The following SNX25 variants were observed in gnomAD, a reference collection of about 807,000 sequenced individuals.
SNX25 encodes sorting nexin 25.
SNX25 carries 62 observed loss-of-function variants against 113.7 expected under a neutral mutation model. The observed-to-expected ratio is 0.55, with a 90% CI of 0.44 to 0.67. The LOEUF (loss-of-function observed/expected upper bound fraction) is 0.67. Among genes scored for constraint, SNX25 ranks in the 30% least tolerant of loss-of-function variants. The pLI is 0.00. For missense variants in SNX25, 1,014 were observed against 1,161.0 expected (o/e 0.87, Z 1.84); for synonymous variants, 421 against 436.2 (o/e 0.97, Z 0.43).
chr4:185,241,798 A>G (rs907292084), intron 1 of SNX25, among the ~76,000 whole-genome samples: 1 of 152,134 alleles, frequency 6.6e-6, no homozygotes, highest in Non-Finnish European at 1.5e-5. Context: ...TAAAACAGGC[A>G]TTTTAGGAAG....
chr4:185,378,208 C>T, the SNX25 span: 1 of 1,606,514 alleles, frequency 6.2e-7, no homozygotes, highest in Middle Eastern at 1.7e-4. Context: ...AATGTGTATT[C>T]TATAAGCAAG....
intron 5 of SNX25, among the ~76,000 whole-genome samples, chr4:185,281,613 C>T (rs1750571714): frequency 6.6e-6 from 1 of 152,196 alleles, no homozygotes; most frequent in African/African-American, 2.4e-5. Flanking sequence ...GAAAAAACTT[C>T]AGCTTAGCTG....
At chr4:185,357,237 C>T (rs2095343218) in intron 15 of SNX25, among the ~76,000 whole-genome samples, 1 of 152,174 alleles carries the variant, frequency 6.6e-6, no homozygotes, top group Non-Finnish European at 1.5e-5. Flanking sequence ...ACAGTTAGAC[C>T]CATCCGTTCA....
At chr4:185,358,094 T>G (rs3816287) in intron 16 of SNX25, among the ~76,000 whole-genome samples, 6,128 of 152,302 alleles carry the variant, frequency 0.04, 289 homozygotes, top group East Asian at 0.18. Flanking sequence ...GTTCAGACTC[T>G]AAGCCAGAAG....
chr4:185,309,763 T>G (rs999659739), intron 6 of SNX25, among the ~76,000 whole-genome samples: 1 of 152,198 alleles, frequency 6.6e-6, no homozygotes, highest in Admixed American at 6.5e-5. Context: ...CTAGCAGCCT[T>G]CCTTCTTCCA....
chr4:185,361,758 A>AAT (rs2095365346), intron 16 of SNX25, among the ~76,000 whole-genome samples, 166 bp from the exon 17 acceptor site: 1 of 152,160 alleles, frequency 6.6e-6, no homozygotes, highest in Non-Finnish European at 1.5e-5. Flanking sequence ...AATAATTAAA[A>AAT]ATATATATAA....
intron 2 of SNX25, among the ~76,000 whole-genome samples, chr4:185,254,539 C>T (rs1746123157): frequency 6.6e-6 from 1 of 152,190 alleles, no homozygotes; most frequent in Admixed American, 6.5e-5. Flanking sequence ...CTTTCTTATA[C>T]TGTTTACTTA....
exon 12 of SNX25, chr4:185,369,973 A>C: frequency 4.0e-6 from 1 of 248,418 alleles, no homozygotes; most frequent in Non-Finnish European, 8.1e-6. Context: ...CAAGTCTGCT[A>C]TGATGTAATT....
At chr4:185,275,955 A>T (rs1192634358) in intron 5 of SNX25, among the ~76,000 whole-genome samples, 1 of 152,248 alleles carries the variant, frequency 6.6e-6, no homozygotes, top group Admixed American at 6.5e-5. Context: ...ACTCTAAAAG[A>T]TCTTTCAGTT....
intron 1 of SNX25, among the ~76,000 whole-genome samples, chr4:185,245,243 T>C (rs1744675712): frequency 1.5e-5 from 1 of 68,026 alleles, no homozygotes. Context: ...TGATATGTGA[T>C]CAAGTAAAAA....
chr4:185,351,824 G>A (rs907678128), intron 14 of SNX25, among the ~76,000 whole-genome samples: 1 of 151,890 alleles, frequency 6.6e-6, no homozygotes, highest in African/African-American at 2.4e-5. Context: ...AGTGAAATGC[G>A]AGTAGGAAGT....
intron 15 of SNX25, among the ~76,000 whole-genome samples, chr4:185,357,029 T>C (rs2126752465): frequency 6.6e-6 from 1 of 152,276 alleles, no homozygotes; most frequent in South Asian, 2.1e-4. Flanking sequence ...GAAAGGCACA[T>C]GTTAATACCT....
exon 12 of SNX25, chr4:185,369,781 G>GAGACCATGATTGAA (rs1456380713): frequency 4.5e-6 from 2 of 445,714 alleles, no homozygotes; most frequent in Non-Finnish European, 9.0e-6. Context: ...CTGTCTCCTA[G>GAGACCATGATTGAA]AGACCATGAT....
At chr4:185,258,643 A>T (rs1187170483) in intron 2 of SNX25, among the ~76,000 whole-genome samples, 1 of 152,204 alleles carries the variant, frequency 6.6e-6, no homozygotes, top group Non-Finnish European at 1.5e-5. Context: ...AAAATTTAGG[A>T]CATGGTCACC....
intron 15 of SNX25, 109 bp from the exon 16 acceptor site, chr4:185,357,562 C>G: frequency 1.1e-6 from 1 of 905,940 alleles, no homozygotes; most frequent in Non-Finnish European, 1.8e-6. Context: ...GACTTGATGG[C>G]AGGACTGAAA....
chr4:185,370,430 G>C (rs1163055016), downstream of SNX25, among the ~76,000 whole-genome samples: 1 of 152,034 alleles, frequency 6.6e-6, no homozygotes, highest in Non-Finnish European at 1.5e-5. Context: ...ATCAAAATAG[G>C]ACTTTTAATC....
chr4:185,328,354 C>T (rs770410754), intron 9 of SNX25, among the ~76,000 whole-genome samples: 3 of 152,016 alleles, frequency 2.0e-5, no homozygotes, highest in Non-Finnish European at 4.4e-5. Context: ...TTTCCCAAAA[C>T]GGGATTTGTG....
chr4:185,223,720 G>A (rs55939910), intron 1 of SNX25, among the ~76,000 whole-genome samples: 10,033 of 147,528 alleles, frequency 0.068, 451 homozygotes, highest in East Asian at 0.14. Flanking sequence ...GGCAGAGCTT[G>A]CAGTGAGCCG....
chr4:185,367,794 A>G (rs1319880919), downstream of SNX25, among the ~76,000 whole-genome samples: 1 of 152,198 alleles, frequency 6.6e-6, no homozygotes, highest in Non-Finnish European at 1.5e-5. Flanking sequence ...TGCTTCCAGT[A>G]GCAGGAAGTT....
Sources: gnomAD v4.1 joint callset for allele counts (sites outside exome capture counted in the v4.1 genomes callset) on GRCh38, gnomAD v4.1.1 for gene constraint, MANE v1.5 for transcripts, NCBI Gene and HGNC (gene_info 2026-07-23, HGNC 2026-07-21) for gene names.